Variants in ZDHHC14 observed in about 807,000 individuals in gnomAD.
ZDHHC14 encodes the protein palmitoyltransferase ZDHHC14.
A neutral mutation model predicts 47.7 loss-of-function variants in ZDHHC14; 16 were observed. The ratio of observed to expected loss-of-function variants is 0.34; its 90% CI spans 0.23 to 0.51. The LOEUF (loss-of-function observed/expected upper bound fraction) is 0.51, where lower values mean the gene tolerates loss of function less well. Ranked by LOEUF, ZDHHC14 falls within the 20% of genes least tolerant of loss-of-function variation. The pLI, the probability that ZDHHC14 is intolerant of heterozygous loss-of-function variation, is 0.97. For missense variants in ZDHHC14, 515 were observed against 662.5 expected (o/e 0.78, Z 2.44); for synonymous variants, 293 against 278.9 (o/e 1.05, Z -0.50).
chr6:157,603,769 T>C (rs1416582633), intron 3 of ZDHHC14, among the ~76,000 whole-genome samples: 1 of 152,156 alleles, frequency 6.6e-6, no homozygotes, highest in Non-Finnish European at 1.5e-5. Flanking sequence ...GGACCCAGGC[T>C]GAAGGGAGGG....
chr6:157,644,499 C>T (rs1011492827), intron 5 of ZDHHC14, among the ~76,000 whole-genome samples: 19 of 152,196 alleles, frequency 1.2e-4, no homozygotes, highest in African/African-American at 4.3e-4. Context: ...TGGTTTAGTG[C>T]GATGTTGAAA....
At chr6:157,435,992 G>A (rs2114786344) in intron 1 of ZDHHC14, among the ~76,000 whole-genome samples, 1 of 152,262 alleles carries the variant, frequency 6.6e-6, no homozygotes, top group East Asian at 1.9e-4. Context: ...AGCAGCATGG[G>A]TGTGAAGAAT....
At chr6:157,581,438 C>T (rs139932911) in intron 2 of ZDHHC14, among the ~76,000 whole-genome samples, 525 of 151,906 alleles carry the variant, frequency 3.5e-3, no homozygotes, top group African/African-American at 0.012. Flanking sequence ...GTGCTAGGTC[C>T]ATTTGGTCCA....
In ZDHHC14 at chr6:157,541,041, G is replaced by A. The variant is rs144431250; in HGVS notation, c.246-1544G>A. Among the ~76,000 whole-genome samples the A allele has an allele frequency of 2.2e-3, 340 of 151,870 alleles. 1 individual carries two copies. The highest frequency in any genetic ancestry group is 7.7e-3 in the African/African-American group (318 of 41,308). On this transcript the variant is annotated intron_variant, in intron 1 of 8. Coordinates refer to ENST00000359775, the MANE Select transcript of ZDHHC14 (RefSeq NM_024630.3). The stretch of plus-strand genomic sequence containing the variant: ...TTACAGAGAAGTTACAAGAATAAGA[G>A]TAGTACAAAGAACATCCATTCACCC...
At chr6:157,458,374 A>G (rs1210407573) in intron 1 of ZDHHC14, among the ~76,000 whole-genome samples, 1 of 152,214 alleles carries the variant, frequency 6.6e-6, no homozygotes, top group Non-Finnish European at 1.5e-5. Context: ...ATGGGCGGAC[A>G]ACATGAAATG....
At chr6:157,498,864 G>A (rs907733802) in intron 1 of ZDHHC14, among the ~76,000 whole-genome samples, 9 of 152,184 alleles carry the variant, frequency 5.9e-5, no homozygotes, top group African/African-American at 2.2e-4. Context: ...GCCGCCTATG[G>A]CTGTTATCTG....
At chr6:157,414,330 C>T (rs749110360) in intron 1 of ZDHHC14, among the ~76,000 whole-genome samples, 4 of 152,280 alleles carry the variant, frequency 2.6e-5, no homozygotes, top group East Asian at 1.9e-4. Flanking sequence ...TGAAAGATGC[C>T]GATGGCCTCT....
At chr6:157,527,512 G>A (rs940543478) in intron 1 of ZDHHC14, among the ~76,000 whole-genome samples, 6 of 152,106 alleles carry the variant, frequency 3.9e-5, no homozygotes, top group Non-Finnish European at 8.8e-5. Context: ...CTCCACCCAG[G>A]GGAGAGTAAG....
chr6:157,593,672 A>G (rs1257465104), intron 3 of ZDHHC14, among the ~76,000 whole-genome samples: 1 of 152,236 alleles, frequency 6.6e-6, no homozygotes, highest in African/African-American at 2.4e-5. Flanking sequence ...CCGCCAGGAC[A>G]GGCTAGGGAA....
At chr6:157,440,098 A>T (rs1778532224) in intron 1 of ZDHHC14, among the ~76,000 whole-genome samples, 1 of 152,030 alleles carries the variant, frequency 6.6e-6, no homozygotes, top group South Asian at 2.1e-4. Context: ...TGTGCAGCAA[A>T]TCATCATGGC....
chr6:157,491,304 T>A (rs1327504945), intron 1 of ZDHHC14, among the ~76,000 whole-genome samples: 1 of 152,212 alleles, frequency 6.6e-6, no homozygotes, highest in African/African-American at 2.4e-5. Flanking sequence ...TGAGGCTTTG[T>A]CTTTTGCTGA....
chr6:157,612,519 C>T (rs907565125), intron 3 of ZDHHC14, among the ~76,000 whole-genome samples: 4 of 152,212 alleles, frequency 2.6e-5, no homozygotes, highest in Admixed American at 2.0e-4. Flanking sequence ...GGCGTGGGCT[C>T]CTCAGGGAAG....
chr6:157,662,822 A>AG (rs1778402428), intron 8 of ZDHHC14, among the ~76,000 whole-genome samples: 1 of 152,276 alleles, frequency 6.6e-6, no homozygotes, highest in South Asian at 2.1e-4. Context: ...GAACTATAAA[A>AG]AATTTTAAGA....
intron 1 of ZDHHC14, among the ~76,000 whole-genome samples, chr6:157,532,459 C>T (rs1781399075): frequency 1.3e-5 from 2 of 152,282 alleles, no homozygotes; most frequent in Middle Eastern, 3.4e-3. Flanking sequence ...ATCTTGCCAT[C>T]CCTAGACCAC....
At chr6:157,559,973 A>G (rs1186320744) in intron 2 of ZDHHC14, among the ~76,000 whole-genome samples, 2 of 152,232 alleles carry the variant, frequency 1.3e-5, no homozygotes, top group Non-Finnish European at 2.9e-5. Flanking sequence ...TGATAGAGTT[A>G]TTTATAATAG....
intron 1 of ZDHHC14, among the ~76,000 whole-genome samples, chr6:157,511,855 G>A (rs1302283792): frequency 6.6e-6 from 1 of 152,116 alleles, no homozygotes; most frequent in Non-Finnish European, 1.5e-5. Context: ...TGTTAGTGTA[G>A]CACTTAGCAC....
At chr6:157,623,737 A>G (rs1415386922) in intron 3 of ZDHHC14, among the ~76,000 whole-genome samples, 1 of 151,760 alleles carries the variant, frequency 6.6e-6, no homozygotes, top group African/African-American at 2.4e-5. Context: ...TTTAGTAGAG[A>G]CGGGGTTTCA....
chr6:157,547,350 G>A (rs528944660), intron 2 of ZDHHC14, among the ~76,000 whole-genome samples: 1 of 152,144 alleles, frequency 6.6e-6, no homozygotes, highest in Non-Finnish European at 1.5e-5. Flanking sequence ...ATCCTTGAAA[G>A]AGTCTCTCGA....
intron 1 of ZDHHC14, among the ~76,000 whole-genome samples, chr6:157,540,750 G>A (rs901551018): frequency 6.6e-6 from 1 of 151,632 alleles, no homozygotes. Context: ...AGTTTTTTTG[G>A]AAAATTCTTT....
Sources: allele counts gnomAD v4.1 joint callset (sites outside exome capture counted in the v4.1 genomes callset), GRCh38; gene constraint gnomAD v4.1.1; transcripts MANE v1.5; gene names NCBI Gene and HGNC (gene_info 2026-07-23, HGNC 2026-07-21).